Variants in WDR49 observed in about 807,000 individuals in gnomAD.
WDR49 encodes the protein cilia- and flagella-associated protein 337.
In WDR49, 107 loss-of-function variants were observed where a neutral mutation model predicts 119.5. That is an observed-to-expected ratio of 0.90 (90% CI 0.77 to 1.05). The LOEUF (loss-of-function observed/expected upper bound fraction) is 1.05. WDR49 is among the 50% of genes least tolerant of loss of function. The probability of loss-of-function intolerance (pLI) is 0.00; values close to 1 mark genes in which losing one functional copy is unlikely to be tolerated. For missense variants in WDR49, 1,240 were observed against 1,220.5 expected (o/e 1.02, Z -0.24); for synonymous variants, 425 against 418.8 (o/e 1.01, Z -0.18).
At chr3:167,611,450 C>T (rs1247551302) in intron 5 of WDR49, among the ~76,000 whole-genome samples, 3 of 151,956 alleles carry the variant, frequency 2.0e-5, no homozygotes, top group African/African-American at 7.2e-5. Context: ...TAACAAATCA[C>T]AAAATGGCAG....
intron 8 of WDR49, among the ~76,000 whole-genome samples, chr3:167,563,094 C>T (rs1291555405): frequency 2.0e-5 from 3 of 152,176 alleles, no homozygotes; most frequent in South Asian, 4.2e-4. Flanking sequence ...GGGCCGGGCG[C>T]GGTGGCTCAC....
rs942001447 is a variant in WDR49, at chr3:167,621,463, T to G, written c.783+4A>C. ...GTATTCAATCTTAATCTACCCTCACTTACCTTTCCAGTTATATCCCCAAAA... is the reference window on the plus strand; with the variant it reads ...GTATTCAATCTTAATCTACCCTCACGTACCTTTCCAGTTATATCCCCAAAA... On this transcript the variant is annotated splice_donor_region_variant and intron_variant, in intron 4 of 18. Coordinates refer to ENST00000682715, the MANE Select transcript of WDR49 (RefSeq NM_001366157.1). The G allele has an allele frequency of 6.6e-7, 1 of 1,525,880 alleles. No individual in the cohort carries two copies. The highest frequency in any genetic ancestry group is 1.4e-5 in the African/African-American group (1 of 72,756). 94.5% of individuals were successfully genotyped at this position (1,525,880 alleles called of 1,614,324 possible). A position where few individuals can be genotyped will look rare whatever the true frequency, so the allele number is the denominator to read the frequency against.
At chr3:167,643,542 A>G (rs566073739) in intron 2 of WDR49, among the ~76,000 whole-genome samples, 8 of 152,134 alleles carry the variant, frequency 5.3e-5, no homozygotes, top group Non-Finnish European at 1.2e-4. Context: ...TTTATATAAA[A>G]GACATTACTG....
intron 16 of WDR49, among the ~76,000 whole-genome samples, chr3:167,517,578 A>G (rs1338909902): frequency 6.6e-6 from 1 of 152,124 alleles, no homozygotes; most frequent in Non-Finnish European, 1.5e-5. Flanking sequence ...CTAGAAGAAA[A>G]TCTAGGCAAT....
chr3:167,623,218 C>T lies in WDR49; in HGVS notation c.607-1575G>A, dbSNP rs538614698. The stretch of plus-strand genomic sequence containing the variant: ...GGATTACTCCAATACTGAAACCAGA[C>T]AAAGACATCACAAGAAAAGAAAACT... On this transcript the variant is annotated intron_variant, in intron 3 of 18. Coordinates refer to ENST00000682715, the MANE Select transcript of WDR49 (RefSeq NM_001366157.1). Among the ~76,000 whole-genome samples the T allele has an allele frequency of 5.3e-5, 8 of 152,086 alleles. No homozygotes were observed. The South Asian group carries it at 1.7e-3, about 32-fold the overall frequency.
Position 167,514,564 on chromosome 3 carries a change from C to G in WDR49, c.2774+7751G>C, listed in dbSNP as rs187662772. ...AATGAACTAGAGAACCAAGAGCAAACAGACCCCTAAGCTAGCAGAAGACAA... is the reference window on the plus strand; with the variant it reads ...AATGAACTAGAGAACCAAGAGCAAAGAGACCCCTAAGCTAGCAGAAGACAA... On this transcript the variant is annotated intron_variant, in intron 16 of 18. Transcript: ENST00000682715. Among the ~76,000 whole-genome samples the G allele has an allele frequency of 1.6e-3, 239 of 151,408 alleles. 3 individuals are homozygous for G. The East Asian group carries it at 0.031, about 20-fold the overall frequency.
rs894811804 is a variant in WDR49, at chr3:167,609,302, T to TA, written c.959-4835dup. 2.5e-4 allele frequency among the ~76,000 whole-genome samples: 37 copies of TA among 150,640 alleles called. 1 individual carries two copies. Among genetic ancestry groups the TA allele is most frequent in the African/African-American group, 4.9e-4 (20 of 41,010 alleles). ...AAGAGGCACTGAAGAGATAGAAAAA[T>TA]AAAAAAAAACAGTACTGAATCACCA... On this transcript the variant is annotated intron_variant, in intron 5 of 18. Transcript: ENST00000682715.
chr3:167,584,588 C>T (rs914458060), intron 7 of WDR49, among the ~76,000 whole-genome samples: 2 of 151,954 alleles, frequency 1.3e-5, no homozygotes, highest in African/African-American at 4.8e-5. Context: ...TAGGAAAAGA[C>T]AAGTAAATTA....
intron 2 of WDR49, among the ~76,000 whole-genome samples, chr3:167,636,370 C>G (rs180735284): frequency 6.6e-6 from 1 of 150,656 alleles, no homozygotes; most frequent in Non-Finnish European, 1.5e-5. Context: ...TATATATATA[C>G]CACAGTTTCT....
intron 2 of WDR49, among the ~76,000 whole-genome samples, chr3:167,650,755 G>A (rs1718337665): frequency 6.6e-6 from 1 of 152,128 alleles, no homozygotes; most frequent in African/African-American, 2.4e-5. Context: ...CTTACTAAAT[G>A]AGATAATTAG....
chr3:167,656,239 T>C (rs1461713325), upstream of WDR49, among the ~76,000 whole-genome samples: 1 of 152,208 alleles, frequency 6.6e-6, no homozygotes, highest in Non-Finnish European at 1.5e-5. Context: ...AAAACATTTT[T>C]AAGCCCTAAT....
At chr3:167,531,651 T>C (rs577269262) in intron 12 of WDR49, among the ~76,000 whole-genome samples, 29 of 152,294 alleles carry the variant, frequency 1.9e-4, no homozygotes, top group Non-Finnish European at 3.7e-4. Context: ...GGAAATATTA[T>C]AATGAACATG....
chr3:167,548,798 T>C (rs1212310638), intron 10 of WDR49, among the ~76,000 whole-genome samples: 3 of 152,082 alleles, frequency 2.0e-5, no homozygotes, highest in Non-Finnish European at 1.5e-5. Context: ...ACCCATTAAC[T>C]CATCATTTAC....
chr3:167,630,341 T>A (rs983214834), intron 2 of WDR49, among the ~76,000 whole-genome samples: 1 of 152,152 alleles, frequency 6.6e-6, no homozygotes, highest in East Asian at 1.9e-4. Context: ...TTAAGATATG[T>A]ACACTTTTTT....
intron 10 of WDR49, among the ~76,000 whole-genome samples, chr3:167,552,886 A>C (rs1236486041): frequency 6.6e-6 from 1 of 152,102 alleles, no homozygotes; most frequent in Non-Finnish European, 1.5e-5. Context: ...TATTTGGATA[A>C]AATCTGAAGT....
At chr3:167,572,095 C>T (rs1298377636) in intron 8 of WDR49, among the ~76,000 whole-genome samples, 1 of 152,130 alleles carries the variant, frequency 6.6e-6, no homozygotes, top group Non-Finnish European at 1.5e-5. Context: ...CATTTAAGAA[C>T]TAAGTGCAAA....
intron 10 of WDR49, among the ~76,000 whole-genome samples, chr3:167,550,075 C>T (rs1236292323): frequency 6.6e-6 from 1 of 152,138 alleles, no homozygotes; most frequent in Admixed American, 6.6e-5. Flanking sequence ...GTACCAGTAC[C>T]ATGCTGCTTT....
chr3:167,579,325 G>A (rs546260479), intron 7 of WDR49, among the ~76,000 whole-genome samples: 1 of 152,220 alleles, frequency 6.6e-6, no homozygotes, highest in African/African-American at 2.4e-5. Context: ...AGATCAAACA[G>A]GATATGCCCA....
At chr3:167,533,837 G>C (rs905817079) in intron 11 of WDR49, among the ~76,000 whole-genome samples, 1 of 152,098 alleles carries the variant, frequency 6.6e-6, no homozygotes, top group African/African-American at 2.4e-5. Context: ...ATGGTAAGGA[G>C]AGCAGAAGAG....
Sources: gnomAD v4.1 joint callset for allele counts (sites outside exome capture counted in the v4.1 genomes callset) on GRCh38, gnomAD v4.1.1 for gene constraint, MANE v1.5 for transcripts, NCBI Gene and HGNC (gene_info 2026-07-23, HGNC 2026-07-21) for gene names.